Variants in LMBRD1 observed in about 807,000 individuals in gnomAD.
LMBRD1 encodes lysosomal cobalamin transport escort protein LMBD1.
A neutral mutation model predicts 74.8 loss-of-function variants in LMBRD1; 64 were observed. That is an observed-to-expected ratio of 0.86 (90% confidence interval 0.70 to 1.05). The LOEUF (loss-of-function observed/expected upper bound fraction) is 1.05. Ranked by LOEUF, LMBRD1 falls within the 50% of genes least tolerant of loss-of-function variation. The pLI, the probability that LMBRD1 is intolerant of heterozygous loss-of-function variation, is 0.00. For synonymous variants in LMBRD1, 204 were observed against 216.3 expected, an observed-to-expected ratio of 0.94 and a Z score of 0.50; for missense variants, 652 against 645.9, an observed-to-expected ratio of 1.01 and a Z score of -0.10.
At chr6:69,710,875 G>A (rs1766367666) in intron 9 of LMBRD1, among the ~76,000 whole-genome samples, 1 of 152,142 alleles carries the variant, frequency 6.6e-6, no homozygotes, top group Non-Finnish European at 1.5e-5. Flanking sequence ...CAAAACGGTT[G>A]TAACCCTTTT....
intron 14 of LMBRD1, among the ~76,000 whole-genome samples, chr6:69,689,488 GAACCTGGTTAGAACTGACAA>G (rs779600856): frequency 6.6e-6 from 1 of 152,096 alleles, no homozygotes; most frequent in African/African-American, 2.4e-5. Context: ...TTCAAGGTGA[GAACCTGGTTAGAACTGACAA>G]AATAGTTTTG....
intron 3 of LMBRD1, among the ~76,000 whole-genome samples, chr6:69,762,040 C>T (rs534597425): frequency 6.6e-6 from 1 of 152,190 alleles, no homozygotes; most frequent in South Asian, 2.1e-4. Context: ...ATAGACAACA[C>T]ATAAACAAAT....
At chr6:69,758,808 T>A (rs1281967355) in intron 3 of LMBRD1, among the ~76,000 whole-genome samples, 1 of 152,160 alleles carries the variant, frequency 6.6e-6, no homozygotes, top group East Asian at 1.9e-4. Context: ...ATCTTGTCTG[T>A]GAAGGGTAGG....
At chr6:69,793,062 T>C (rs1766121674) in intron 1 of LMBRD1, among the ~76,000 whole-genome samples, 1 of 152,220 alleles carries the variant, frequency 6.6e-6, no homozygotes, top group Non-Finnish European at 1.5e-5. Flanking sequence ...TTATAAGGAT[T>C]AAATGAGATA....
intron 3 of LMBRD1, among the ~76,000 whole-genome samples, chr6:69,767,000 T>C (rs1041290698): frequency 9.9e-5 from 15 of 151,794 alleles, no homozygotes; most frequent in African/African-American, 3.6e-4. Flanking sequence ...TGGTATAAAG[T>C]TACTCAACAT....
In LMBRD1 at chr6:69,700,871, T is replaced by C; in HGVS notation, c.1084-2A>G. 1.5e-6 allele frequency: 2 copies of C among 1,368,262 alleles called. No individual in the cohort carries two copies. Among genetic ancestry groups the C allele is most frequent in the Non-Finnish European group, 2.0e-6 (2 of 999,560 alleles). The allele number at this position is 1,368,262 out of a possible 1,614,324, so 84.8% of individuals were successfully genotyped here. On this transcript the variant is annotated splice_acceptor_variant, in intron 11 of 15. Transcript: ENST00000649934. LOFTEE classifies it high-confidence loss of function. ...AAGAATATAATCAAGAGGGAAAACC[T>C]GAAAAAAAAAGATGAAATTAAATTT...
intron 9 of LMBRD1, among the ~76,000 whole-genome samples, chr6:69,706,535 T>C (rs1424759938): frequency 6.6e-6 from 1 of 152,160 alleles, no homozygotes; most frequent in African/African-American, 2.4e-5. Context: ...AACTTTTGTG[T>C]TCCCTGTACA....
chr6:69,740,757 G>T (rs757126368), intron 6 of LMBRD1, among the ~76,000 whole-genome samples: 4 of 152,146 alleles, frequency 2.6e-5, no homozygotes, highest in Non-Finnish European at 5.9e-5. Context: ...TTTCTGCATA[G>T]TATTTATAGA....
intron 3 of LMBRD1, among the ~76,000 whole-genome samples, chr6:69,753,867 G>A (rs997739558): frequency 5.9e-5 from 9 of 151,992 alleles, no homozygotes; most frequent in Admixed American, 2.6e-4. Context: ...CGTGAACCTG[G>A]GAGGCAGAGC....
At chr6:69,681,989 A>G (rs1174633018) in intron 14 of LMBRD1, among the ~76,000 whole-genome samples, 1 of 151,898 alleles carries the variant, frequency 6.6e-6, no homozygotes, top group Non-Finnish European at 1.5e-5. Context: ...ATACAACTGG[A>G]AAAAATGAGC....
intron 9 of LMBRD1, among the ~76,000 whole-genome samples, chr6:69,705,017 C>T (rs1322631697): frequency 6.6e-6 from 1 of 151,144 alleles, no homozygotes; most frequent in Non-Finnish European, 1.5e-5. Flanking sequence ...TTTTTGTCTC[C>T]CCACCATTTC....
chr6:69,754,236 G>T (rs943084595), intron 3 of LMBRD1, among the ~76,000 whole-genome samples: 1 of 151,888 alleles, frequency 6.6e-6, no homozygotes, highest in Non-Finnish European at 1.5e-5. Flanking sequence ...TGCATATTAT[G>T]AATATATTTA....
chr6:69,690,381 C>A (rs1765851357), intron 14 of LMBRD1, among the ~76,000 whole-genome samples: 1 of 152,048 alleles, frequency 6.6e-6, no homozygotes, highest in Non-Finnish European at 1.5e-5. Context: ...TCCCTCAATA[C>A]ATAAATGTAA....
intron 14 of LMBRD1, among the ~76,000 whole-genome samples, chr6:69,696,607 T>G (rs1766002307): frequency 6.6e-6 from 1 of 152,000 alleles, no homozygotes; most frequent in African/African-American, 2.4e-5. Flanking sequence ...AGAACAGCCT[T>G]CCCTTGATGT....
chr6:69,722,785 G>T (rs757145029), intron 7 of LMBRD1, among the ~76,000 whole-genome samples: 6 of 152,012 alleles, frequency 3.9e-5, no homozygotes, highest in Non-Finnish European at 7.4e-5. Context: ...AAGAAGGGAG[G>T]ATCGTAAAAT....
At position 69,780,518 on chromosome 6, in the gene LMBRD1, C is replaced by T. The variant is rs1452158571; in HGVS notation, c.283G>A (p.Asp95Asn). The change falls in exon 3 of 16, where the codon GAC (aspartate) becomes AAC (asparagine). Residue 95 changes from aspartate (D) to asparagine (N), a missense_variant. Around this residue, in one of 3 missense-constraint regions of LMBRD1, gnomAD observed 598 missense variants for 581.8 expected, o/e 1.03. Transcript: ENST00000649934. ...CTATAGTAACCGTATAATACAGTGT[C>T]CTCAATCTGTCTGCTGACATTAGCA... ...ANANVSRQIE[D>N]TVLYGYYTLY... 3 of 1,610,938 alleles carry T rather than the reference C, an allele frequency of 1.9e-6. No homozygotes were observed. The highest frequency in any genetic ancestry group is 2.5e-6 in the Non-Finnish European group (3 of 1,177,272).
intron 14 of LMBRD1, among the ~76,000 whole-genome samples, chr6:69,687,846 C>A (rs75534017): frequency 6.6e-6 from 1 of 151,982 alleles, no homozygotes; most frequent in African/African-American, 2.4e-5. Context: ...ACAAAAGGAC[C>A]ACGTAGTTTT....
intron 7 of LMBRD1, among the ~76,000 whole-genome samples, chr6:69,737,712 C>T (rs1562105842): frequency 6.6e-6 from 1 of 151,202 alleles, no homozygotes; most frequent in Non-Finnish European, 1.5e-5. Context: ...TATATAACCA[C>T]CTTCAAGGTT....
At chr6:69,781,688 A>G (rs1238655488) in intron 2 of LMBRD1, among the ~76,000 whole-genome samples, 1 of 152,206 alleles carries the variant, frequency 6.6e-6, no homozygotes, top group Non-Finnish European at 1.5e-5. Context: ...AAGGAATAGT[A>G]ACAAACCCTT....
Sources: allele counts gnomAD v4.1 joint callset (sites outside exome capture counted in the v4.1 genomes callset), GRCh38; gene constraint gnomAD v4.1.1; regional missense constraint gnomAD v4.1.1; transcripts MANE v1.5; gene names NCBI Gene and HGNC (gene_info 2026-07-23, HGNC 2026-07-21).